CSMD1: variants seen among roughly 807,000 people sequenced by gnomAD.
CSMD1 encodes the protein CUB and sushi domain-containing protein 1.
CSMD1 carries 213 observed loss-of-function variants against 417.5 expected under a neutral mutation model. The ratio of observed to expected loss-of-function variants is 0.51; its 90% confidence interval spans 0.46 to 0.57. CSMD1 has a LOEUF of 0.57. Among genes scored for constraint, CSMD1 ranks in the 20% least tolerant of loss-of-function variants. CSMD1 has a pLI of 0.00. For missense variants in CSMD1, 6,923 were observed against 4,529.7 expected (o/e 1.53, Z -15.17); for synonymous variants, 2,862 against 1,736.8 (o/e 1.65, Z -16.11).
intron 1 of CSMD1, among the ~76,000 whole-genome samples, chr8:4,907,776 G>T (rs1317707536): frequency 1.3e-5 from 2 of 150,780 alleles, no homozygotes; most frequent in African/African-American, 4.9e-5. Context: ...TTGTTTCCCA[G>T]GCTGCTCCGA....
chr8:4,496,998 A>G (rs1802010520), intron 2 of CSMD1, among the ~76,000 whole-genome samples: 1 of 152,158 alleles, frequency 6.6e-6, no homozygotes, highest in Non-Finnish European at 1.5e-5. Context: ...ATAAGGCTTG[A>G]AAAGAAACAC....
chr8:3,681,943 G>A (rs576529456), intron 7 of CSMD1, among the ~76,000 whole-genome samples: 1 of 152,284 alleles, frequency 6.6e-6, no homozygotes, highest in East Asian at 1.9e-4. Flanking sequence ...AATGGGGAAA[G>A]GATTCCCTAT....
At chr8:4,341,497 T>A (rs1800475941) in intron 3 of CSMD1, among the ~76,000 whole-genome samples, 1 of 152,104 alleles carries the variant, frequency 6.6e-6, no homozygotes, top group African/African-American at 2.4e-5. Flanking sequence ...CTACTCTGCA[T>A]ATCATGAATG....
intron 1 of CSMD1, among the ~76,000 whole-genome samples, chr8:4,822,235 A>G (rs962770521): frequency 2.6e-5 from 4 of 152,086 alleles, no homozygotes; most frequent in Non-Finnish European, 4.4e-5. Flanking sequence ...ACTTACTTTC[A>G]CCGTACCACT....
intron 26 of CSMD1, among the ~76,000 whole-genome samples, chr8:3,280,206 G>A (rs1802624814): frequency 1.3e-5 from 2 of 152,102 alleles, no homozygotes; most frequent in African/African-American, 2.4e-5. Flanking sequence ...AGTAGTTAAA[G>A]GAAGAGAAAG....
chr8:4,367,160 T>C (rs767379708), intron 3 of CSMD1, among the ~76,000 whole-genome samples: 1 of 152,192 alleles, frequency 6.6e-6, no homozygotes, highest in Non-Finnish European at 1.5e-5. Flanking sequence ...TTGTTTTCTA[T>C]GATTTTAATT....
intron 1 of CSMD1, among the ~76,000 whole-genome samples, chr8:4,749,092 G>C (rs1427468737): frequency 1.3e-5 from 2 of 152,224 alleles, no homozygotes; most frequent in African/African-American, 4.8e-5. Context: ...GCCTGCCCAT[G>C]CAGTCTCCAC....
intron 2 of CSMD1, among the ~76,000 whole-genome samples, chr8:4,497,454 A>T (rs969180860): frequency 2.6e-4 from 40 of 152,208 alleles, no homozygotes; most frequent in African/African-American, 9.4e-4. Context: ...TAACCTTTCC[A>T]GGCCCAATTG....
intron 3 of CSMD1, among the ~76,000 whole-genome samples, chr8:4,388,758 A>G (rs542246738): frequency 6.6e-6 from 1 of 152,330 alleles, no homozygotes; most frequent in South Asian, 2.1e-4. Context: ...AAAATAAAAT[A>G]AAACCTGTCT....
chr8:4,896,841 C>T (rs758872153), intron 1 of CSMD1, among the ~76,000 whole-genome samples: 4 of 151,860 alleles, frequency 2.6e-5, no homozygotes, highest in African/African-American at 7.3e-5. Context: ...GCCGGAGCCA[C>T]GGAGGGTTGC....
chr8:4,184,794 C>T (rs537741205), intron 3 of CSMD1, among the ~76,000 whole-genome samples: 1 of 151,728 alleles, frequency 6.6e-6, no homozygotes, highest in African/African-American at 2.4e-5. Flanking sequence ...ACCTGTGACA[C>T]AGGTTTACTT....
intron 26 of CSMD1, among the ~76,000 whole-genome samples, chr8:3,244,592 T>G (rs751774210): frequency 3.3e-5 from 5 of 152,156 alleles, no homozygotes; most frequent in African/African-American, 1.2e-4. Flanking sequence ...GGGGAAATCA[T>G]AGACACACGT....
At chr8:3,597,714 T>A (rs922926851) in intron 8 of CSMD1, among the ~76,000 whole-genome samples, 2 of 152,182 alleles carry the variant, frequency 1.3e-5, no homozygotes, top group Admixed American at 1.3e-4. Context: ...GAAACCATCA[T>A]TCTCAGCAAA....
intron 1 of CSMD1, among the ~76,000 whole-genome samples, chr8:4,756,354 G>C (rs548361583): frequency 1.7e-4 from 26 of 152,170 alleles, no homozygotes; most frequent in Middle Eastern, 3.4e-3. Context: ...AGGCATACTG[G>C]CCATATTTTT....
rs551450580 is a variant in CSMD1, at chr8:3,980,586, C to T, written c.818+17317G>A. ...AATTCGTAGTGAAAATAGTTTCCCC[C>T]CTTGTTAATTTGTTTTTTATGCCCC... On this transcript the variant is annotated intron_variant, in intron 5 of 69. Transcript: ENST00000635120. Among the ~76,000 whole-genome samples the T allele has an allele frequency of 5.3e-4, 81 of 152,224 alleles. 1 individual carries two copies. The highest frequency in any genetic ancestry group is 1.9e-3 in the African/African-American group (79 of 41,540).
In CSMD1 at chr8:4,636,433, C is replaced by T. The variant is rs549152193; in HGVS notation, c.302+909G>A. On this transcript the variant is annotated intron_variant, in intron 2 of 69. Coordinates refer to ENST00000635120, the MANE Select transcript of CSMD1 (RefSeq NM_033225.6). Reference sequence around the variant, plus strand: ...ACCATTATTGTCTAAACCACAAATTCTCCAAAGAATGCAATAGCCCTGAAT... The same window carrying T: ...ACCATTATTGTCTAAACCACAAATTTTCCAAAGAATGCAATAGCCCTGAAT... Among the ~76,000 whole-genome samples the T allele has an allele frequency of 2.0e-4, 30 of 152,256 alleles. No individual in the cohort carries two copies. In the South Asian group the frequency reaches 6.0e-3, roughly 31 times the overall value.
chr8:3,539,017 A>G (rs905347482), intron 10 of CSMD1, among the ~76,000 whole-genome samples: 1 of 152,022 alleles, frequency 6.6e-6, no homozygotes, highest in East Asian at 1.9e-4. Flanking sequence ...TAAAATCCAA[A>G]CACATTAGGA....
chr8:4,985,847 T>C (rs781234700), intron 1 of CSMD1, among the ~76,000 whole-genome samples: 56 of 152,156 alleles, frequency 3.7e-4, no homozygotes, highest in Non-Finnish European at 6.8e-4. Context: ...TGGTCTTATG[T>C]TGTCCACAGG....
chr8:3,355,251 A>G (rs1808704660), intron 21 of CSMD1, among the ~76,000 whole-genome samples: 1 of 152,198 alleles, frequency 6.6e-6, no homozygotes, highest in African/African-American at 2.4e-5. Context: ...ATGTATACAT[A>G]CAGCCCTTTA....
Sources: allele counts gnomAD v4.1 joint callset (sites outside exome capture counted in the v4.1 genomes callset), GRCh38; gene constraint gnomAD v4.1.1; transcripts MANE v1.5; gene names NCBI Gene and HGNC (gene_info 2026-07-23, HGNC 2026-07-21).